The following HABP2 variants were observed in gnomAD, a reference collection of about 807,000 sequenced individuals.
The protein encoded by HABP2 is factor VII-activating protease.
HABP2 carries 65 observed loss-of-function variants against 66.5 expected under a neutral mutation model. The observed-to-expected ratio is 0.98, with a 90% CI of 0.80 to 1.20. The LOEUF is 1.20. Ranked by LOEUF, HABP2 falls within the 50% of genes most tolerant of loss-of-function variation. The probability of loss-of-function intolerance (pLI) is 0.00; values close to 1 mark genes in which losing one functional copy is unlikely to be tolerated. For synonymous variants in HABP2, 263 were observed against 253.9 expected (o/e 1.04, Z -0.34); for missense variants, 786 against 691.0 (o/e 1.14, Z -1.54).
chr10:113,560,093 A>G (rs1261254125), intron 1 of HABP2, among the ~76,000 whole-genome samples: 1 of 152,210 alleles, frequency 6.6e-6, no homozygotes, highest in Admixed American at 6.5e-5. Flanking sequence ...CCAGGTGTCC[A>G]GGAAGGAAAC....
intron 2 of HABP2, among the ~76,000 whole-genome samples, chr10:113,573,041 A>C (rs1485647085): frequency 6.6e-6 from 1 of 152,250 alleles, no homozygotes; most frequent in African/African-American, 2.4e-5. Flanking sequence ...CCAAGCCATC[A>C]GCTGGCTCCG....
In HABP2 at chr10:113,580,703, T is replaced by G; in HGVS notation, c.838+11T>G. 1 of 1,416,378 alleles carries G rather than the reference T, an allele frequency of 7.1e-7. No individual in the cohort carries two copies. The highest frequency in any genetic ancestry group is 1.0e-6 in the Non-Finnish European group (1 of 1,000,412). 87.7% of individuals were successfully genotyped at this position (1,416,378 alleles called of 1,614,324 possible). ...CCTGCTCAGCCCAGGGTAAAGGCCA[T>G]GGCTGTTCAGAAGCCCAGGGGGTGG... On this transcript the variant is annotated intron_variant, in intron 8 of 12. Coordinates refer to ENST00000351270, the MANE Select transcript of HABP2 (RefSeq NM_004132.5).
At chr10:113,569,483 C>T (rs200231459) in intron 2 of HABP2, among the ~76,000 whole-genome samples, 4 of 152,354 alleles carry the variant, frequency 2.6e-5, no homozygotes, top group South Asian at 2.1e-4. Flanking sequence ...AAAGAGACCC[C>T]GTGCTCGTGC....
intron 1 of HABP2, 26 bp from the exon 2 acceptor site, chr10:113,567,463 A>C: frequency 6.2e-7 from 1 of 1,600,828 alleles, no homozygotes. Flanking sequence ...CTCAACGCTG[A>C]TCTGCTGTGT....
At chr10:113,577,287 C>T (rs372119126) in intron 5 of HABP2, 21 bp downstream of exon 5, 215 of 1,202,558 alleles carry the variant, frequency 1.8e-4, no homozygotes, top group Non-Finnish European at 2.5e-4. Flanking sequence ...GAGGCCCCTT[C>T]GACGCTAGAC....
At chr10:113,572,744 G>C (rs1478823150) in intron 2 of HABP2, 1 of 450,902 alleles carries the variant, frequency 2.2e-6, no homozygotes, top group Admixed American at 2.4e-5. Flanking sequence ...GGCCTCCCCT[G>C]GGAGCATTTT....
intron 1 of HABP2, among the ~76,000 whole-genome samples, chr10:113,565,435 G>A (rs538971379): frequency 6.6e-6 from 1 of 152,300 alleles, no homozygotes; most frequent in Non-Finnish European, 1.5e-5. Context: ...CATGGCAAAA[G>A]GGAAAGGGGA....
chr10:113,571,561 T>C (rs1845312416), intron 2 of HABP2, among the ~76,000 whole-genome samples: 1 of 151,930 alleles, frequency 6.6e-6, no homozygotes, highest in African/African-American at 2.4e-5. Context: ...CTCCATCTCT[T>C]GGTGGGAGAA....
rs890910956 is a variant in HABP2 at position 113,582,034 on chromosome 10, T to C, written c.997T>C (p.Ser333Pro). 1.9e-6 allele frequency: 3 copies of C among 1,614,030 alleles called. No individual in the cohort carries two copies. The highest frequency in any genetic ancestry group is 2.5e-6 in the Non-Finnish European group (3 of 1,180,010). ...GKHPWQASLQSSLPLTISMPQ... is the reference protein window; with the variant it reads ...GKHPWQASLQPSLPLTISMPQ... ...GCACCCATGGCAGGCGTCCCTCCAG[T>C]CCTCGCTGCCTCTGACCATCTCCAT... Residue 333 changes from serine to proline, a missense_variant, in exon 9 of 13, where the codon TCC becomes CCC. Transcript: ENST00000351270.
chr10:113,553,229 C>T (rs769361137), intron 1 of HABP2, 39 bp downstream of exon 1: 14 of 1,453,002 alleles, frequency 9.6e-6, no homozygotes, highest in Non-Finnish European at 1.3e-5. Flanking sequence ...TGAGAGACTC[C>T]GAAGTTTACT....
chr10:113,552,822 C>T (rs1220002988), upstream of HABP2, among the ~76,000 whole-genome samples: 1 of 152,186 alleles, frequency 6.6e-6, no homozygotes, highest in Non-Finnish European at 1.5e-5. Flanking sequence ...TCGGAACACC[C>T]AGCAGCTGTC....
intron 9 of HABP2, 31 bp from the exon 10 acceptor site, chr10:113,583,185 G>A (rs1845571813): frequency 6.2e-7 from 1 of 1,609,156 alleles, no homozygotes; most frequent in Non-Finnish European, 8.5e-7. Context: ...CAGAAACAGT[G>A]CCTTCCTGAC....
rs370974385 is a variant in HABP2, at chr10:113,581,927, G to A, written c.890G>A (p.Gly297Glu). 6 of 1,614,112 alleles carry A rather than the reference G, an allele frequency of 3.7e-6. No homozygotes were observed. The East Asian group carries it at 8.9e-5, about 24-fold the overall frequency. Reference protein sequence around the residue: ...SPTEPSTKLPGFDSCGKTEIA... With the variant: ...SPTEPSTKLPEFDSCGKTEIA... The stretch of plus-strand genomic sequence containing the variant: ...ACTGAGCCATCAACCAAGCTTCCGG[G>A]GTTTGACTCCTGTGGAAAGACTGAG... The change falls in exon 9 of 13, where the codon GGG becomes GAG. Residue 297 changes from glycine (G) to glutamate (E), a missense_variant. Gly to Glu is a moderately conservative substitution (Grantham distance 98). Transcript: ENST00000351270.
chr10:113,562,811 C>G (rs1356424063), intron 1 of HABP2, among the ~76,000 whole-genome samples: 1 of 152,196 alleles, frequency 6.6e-6, no homozygotes, highest in Non-Finnish European at 1.5e-5. Context: ...AGCTCAACAC[C>G]TGCCTCTCAA....
At chr10:113,584,071 C>T (rs948228374) in intron 10 of HABP2, 77 bp from the exon 11 acceptor site, 1 of 1,341,180 alleles carries the variant, frequency 7.5e-7, no homozygotes. Context: ...TGGCCACCTT[C>T]ATGAGCAAGT....
Position 113,574,295 on chromosome 10 carries a change from C to A in HABP2, c.113C>A (p.Thr38Asn). ...CCTGTTACCATCCCTGCAGACTGGA[C>A]CCCTGACCAGTATGATTACAGCTAC... is the stretch of plus-strand genomic sequence containing the variant. ...SLLESLDPDW[T>N]PDQYDYSYED... Residue 38 changes from threonine (T) to asparagine (N), a missense_variant, in exon 3 of 13, where the codon ACC becomes AAC. Thr to Asn is a moderately conservative substitution (Grantham distance 65, BLOSUM62 0). Coordinates refer to ENST00000351270, the MANE Select transcript of HABP2 (RefSeq NM_004132.5). 2 of 1,554,878 alleles carry A rather than the reference C, an allele frequency of 1.3e-6. No homozygotes were observed. Among genetic ancestry groups the A allele is most frequent in the Non-Finnish European group, 1.8e-6 (2 of 1,125,894 alleles).
intron 2 of HABP2, among the ~76,000 whole-genome samples, chr10:113,572,971 T>C (rs1301344456): frequency 6.6e-6 from 1 of 152,222 alleles, no homozygotes; most frequent in Non-Finnish European, 1.5e-5. Flanking sequence ...TCTAACAGAA[T>C]GACTGAGAGA....
Position 113,588,191 on chromosome 10 carries a change from T to C in HABP2, c.1519-14T>C. Reference sequence around the variant, plus strand: ...TGGTTCACGAGGATGAGCTTATGCCTCTGTTTCCCTTAGGGTGACTCTGGA... The same window carrying C: ...TGGTTCACGAGGATGAGCTTATGCCCCTGTTTCCCTTAGGGTGACTCTGGA... On this transcript the variant is annotated splice_polypyrimidine_tract_variant and intron_variant, in intron 12 of 12. Coordinates refer to ENST00000351270, the MANE Select transcript of HABP2 (RefSeq NM_004132.5). The C allele has an allele frequency of 1.3e-6, 2 of 1,586,240 alleles. No homozygotes were observed. The highest frequency in any genetic ancestry group is 1.7e-6 in the Non-Finnish European group (2 of 1,166,674).
intron 2 of HABP2, among the ~76,000 whole-genome samples, chr10:113,568,316 C>T (rs1451069241): frequency 4.6e-5 from 7 of 152,220 alleles, no homozygotes; most frequent in East Asian, 1.9e-4. Context: ...ACCCACAGAG[C>T]GCCATAGCCA....
Sources: allele counts gnomAD v4.1 joint callset (sites outside exome capture counted in the v4.1 genomes callset), GRCh38; gene constraint gnomAD v4.1.1; transcripts MANE v1.5; gene names NCBI Gene and HGNC (gene_info 2026-07-23, HGNC 2026-07-21).